Variants in NTM observed in about 807,000 individuals in gnomAD.
NTM encodes IgLON family member 2.
NTM carries 13 observed loss-of-function variants against 42.1 expected under a neutral mutation model. That is an observed-to-expected ratio of 0.31 (90% confidence interval 0.20 to 0.49). NTM has a LOEUF of 0.49. Among genes scored for constraint, NTM ranks in the 20% least tolerant of loss-of-function variants. The pLI is 0.99. For missense variants in NTM, 373 were observed against 452.8 expected (o/e 0.82, Z 1.60); for synonymous variants, 187 against 179.2 (o/e 1.04, Z -0.35).
At chr11:132,282,725 G>A (rs561879569) in intron 4 of NTM, among the ~76,000 whole-genome samples, 1 of 152,096 alleles carries the variant, frequency 6.6e-6, no homozygotes, top group Non-Finnish European at 1.5e-5. Flanking sequence ...CATTAGGACA[G>A]GTAAAGTGAT....
At chr11:131,469,787 A>T (rs1952254923) in intron 1 of NTM, among the ~76,000 whole-genome samples, 1 of 152,216 alleles carries the variant, frequency 6.6e-6, no homozygotes, top group African/African-American at 2.4e-5. Context: ...ATGATTAAAT[A>T]AGTTCCTACA....
chr11:131,373,930 A>AGGTGGGC lies in NTM; in HGVS notation c.82+3051_82+3057dup, dbSNP rs559530044. On this transcript the variant is annotated intron_variant, in intron 1 of 8. Transcript: ENST00000683400. ...CACTCCCCTTCGCGCAGCACCCGGG[A>AGGTGGGC]GGTGGGCGGTGGGCGCCGTTCGGCT... is the stretch of plus-strand genomic sequence containing the variant. Among the ~76,000 whole-genome samples, 51 of 152,218 alleles carry AGGTGGGC rather than the reference A, an allele frequency of 3.4e-4. 1 individual carries two copies. The South Asian group carries it at 8.9e-3, about 27-fold the overall frequency.
intron 1 of NTM, among the ~76,000 whole-genome samples, chr11:131,599,620 C>T (rs1211407418): frequency 6.6e-6 from 1 of 152,202 alleles, no homozygotes; most frequent in Non-Finnish European, 1.5e-5. Flanking sequence ...AAATATACTT[C>T]CAGTCATTGA....
intron 1 of NTM, chr11:131,795,338 A>G (rs899609947): frequency 2.1e-6 from 2 of 963,308 alleles, no homozygotes; most frequent in African/African-American, 3.5e-5. Context: ...TATATGCTTA[A>G]TAAGTGGGAG....
At chr11:132,246,756 T>C (rs950053401) in intron 4 of NTM, among the ~76,000 whole-genome samples, 2 of 152,214 alleles carry the variant, frequency 1.3e-5, no homozygotes, top group Non-Finnish European at 2.9e-5. Context: ...AGGCATCGTC[T>C]GTTTCGTATG....
At chr11:131,771,971 A>G (rs751842964) in intron 1 of NTM, among the ~76,000 whole-genome samples, 2 of 152,056 alleles carry the variant, frequency 1.3e-5, no homozygotes, top group Non-Finnish European at 2.9e-5. Flanking sequence ...TTCTGATGCC[A>G]TTTTCAAATC....
chr11:131,599,307 GCC>G lies in NTM; in HGVS notation c.82+228421_82+228422del, dbSNP rs2060251895. Among the ~76,000 whole-genome samples, 3 of 151,924 alleles carry G rather than the reference GCC, an allele frequency of 2.0e-5. 1 individual carries two copies. The highest frequency in any genetic ancestry group is 1.3e-4 in the Admixed American group (2 of 15,278). Reference sequence around the variant, plus strand: ...CCTGTCTACCCAGTCTCCGGCAGATGCCCTGTCTACCCAGTCTCCGGCAGATG... The same window carrying G: ...CCTGTCTACCCAGTCTCCGGCAGATGCTGTCTACCCAGTCTCCGGCAGATG... On this transcript the variant is annotated intron_variant, in intron 1 of 8. Coordinates refer to ENST00000683400, the MANE Select transcript of NTM (RefSeq NM_001352005.2).
At chr11:131,889,255 G>T (rs2050868560) in intron 1 of NTM, among the ~76,000 whole-genome samples, 1 of 152,194 alleles carries the variant, frequency 6.6e-6, no homozygotes, top group Admixed American at 6.5e-5. Context: ...AAACAAAGGA[G>T]CATAAGATAC....
chr11:132,041,269 T>A (rs999759882), intron 2 of NTM, among the ~76,000 whole-genome samples: 1 of 150,876 alleles, frequency 6.6e-6, no homozygotes, highest in Non-Finnish European at 1.5e-5. Context: ...AAGTGAGAAG[T>A]GGTTTGTTTT....
chr11:131,453,738 C>T (rs1425192212), intron 1 of NTM, among the ~76,000 whole-genome samples: 1 of 152,186 alleles, frequency 6.6e-6, no homozygotes, highest in East Asian at 1.9e-4. Flanking sequence ...ATATGGAAAG[C>T]AGGAGCCATT....
intron 2 of NTM, among the ~76,000 whole-genome samples, chr11:131,931,959 G>T (rs1235259179): frequency 6.6e-6 from 1 of 152,212 alleles, no homozygotes; most frequent in African/African-American, 2.4e-5. Flanking sequence ...TGGCCTTCAC[G>T]AGTCTTTCCC....
intron 1 of NTM, among the ~76,000 whole-genome samples, chr11:131,763,068 G>A (rs1033770031): frequency 1.3e-5 from 2 of 152,184 alleles, no homozygotes; most frequent in Non-Finnish European, 2.9e-5. Context: ...ATCCCAATCT[G>A]AACTCAGTCT....
At chr11:131,907,688 C>T (rs187544306) in intron 1 of NTM, among the ~76,000 whole-genome samples, 11 of 152,116 alleles carry the variant, frequency 7.2e-5, no homozygotes, top group African/African-American at 2.2e-4. Context: ...CGTTAGGAAT[C>T]GGCTTTCAAG....
At chr11:132,080,953 G>A (rs1480437479) in intron 2 of NTM, among the ~76,000 whole-genome samples, 1 of 150,264 alleles carries the variant, frequency 6.7e-6, no homozygotes, top group Non-Finnish European at 1.5e-5. Flanking sequence ...AAAAGTTTAG[G>A]GCAAGGTCCC....
At chr11:131,777,100 C>A in intron 1 of NTM, 1 of 951,222 alleles carries the variant, frequency 1.1e-6, no homozygotes, top group Non-Finnish European at 1.3e-6. Context: ...TTATTGATTT[C>A]TATTATTGAA....
At chr11:131,597,690 A>G (rs1486204964) in intron 1 of NTM, among the ~76,000 whole-genome samples, 7 of 152,212 alleles carry the variant, frequency 4.6e-5, no homozygotes, top group Non-Finnish European at 8.8e-5. Context: ...CAGGTGCCCC[A>G]GAGTGAGGGG....
chr11:131,453,515 G>C lies in NTM; in HGVS notation c.82+82627G>C, dbSNP rs117348032. ...TGGGAAAAGAAAGAGACTACAAAGC[G>C]ACAAGTACAACGGAAAGACTTTCAT... On this transcript the variant is annotated intron_variant, in intron 1 of 8. Transcript: ENST00000683400. 4.4e-4 allele frequency among the ~76,000 whole-genome samples: 67 copies of C among 150,650 alleles called. 1 individual carries two copies. The East Asian group carries it at 0.011, about 24-fold the overall frequency.
chr11:131,513,223 T>C (rs1382768594), intron 1 of NTM, among the ~76,000 whole-genome samples: 1 of 152,186 alleles, frequency 6.6e-6, no homozygotes, highest in Non-Finnish European at 1.5e-5. Flanking sequence ...CACCAGTAGA[T>C]CCTGCTTTCC....
chr11:131,411,462 G>A (rs1437191950), intron 1 of NTM, among the ~76,000 whole-genome samples: 2 of 151,872 alleles, frequency 1.3e-5, no homozygotes, highest in South Asian at 2.1e-4. Context: ...AAAGGCTTCC[G>A]GATTGAGGTG....
Sources: allele counts gnomAD v4.1 joint callset (sites outside exome capture counted in the v4.1 genomes callset), GRCh38; gene constraint gnomAD v4.1.1; transcripts MANE v1.5; gene names NCBI Gene and HGNC (gene_info 2026-07-23, HGNC 2026-07-21).